Variants in KCNAB1 observed in about 807,000 individuals in gnomAD.
The protein encoded by KCNAB1 is potassium voltage-gated channel subfamily A regulatory beta subunit 1.
In KCNAB1, 35 loss-of-function variants were observed where a neutral mutation model predicts 64.6. The observed-to-expected ratio is 0.54, with a 90% confidence interval of 0.41 to 0.72. The LOEUF is 0.72. Among genes scored for constraint, KCNAB1 ranks in the 30% least tolerant of loss-of-function variants. The probability of loss-of-function intolerance (pLI) is 0.00; values close to 1 mark genes in which losing one functional copy is unlikely to be tolerated. For missense variants in KCNAB1, 401 were observed against 512.9 expected (o/e 0.78, Z 2.11); for synonymous variants, 177 against 183.8 (o/e 0.96, Z 0.30).
At chr3:156,331,314 C>G (rs1227920426) in intron 1 of KCNAB1, among the ~76,000 whole-genome samples, 2 of 152,136 alleles carry the variant, frequency 1.3e-5, no homozygotes, top group African/African-American at 4.8e-5. Flanking sequence ...AAGAGTGGAG[C>G]TGAAGAATGG....
intron 8 of KCNAB1, among the ~76,000 whole-genome samples, chr3:156,499,005 G>A (rs758042904): frequency 7.0e-4 from 106 of 152,378 alleles, no homozygotes; most frequent in Non-Finnish European, 1.2e-3. Flanking sequence ...AAAGGTCATG[G>A]CAACAGCTTT....
chr3:156,132,758 G>C (rs1453228475), intron 1 of KCNAB1, among the ~76,000 whole-genome samples: 1 of 152,202 alleles, frequency 6.6e-6, no homozygotes, highest in Non-Finnish European at 1.5e-5. Context: ...CATTACACAT[G>C]TTTTTCTATA....
chr3:156,220,719 A>G (rs1485959282), intron 1 of KCNAB1, among the ~76,000 whole-genome samples: 1 of 152,140 alleles, frequency 6.6e-6, no homozygotes, highest in Non-Finnish European at 1.5e-5. Context: ...TCTTTAGTTT[A>G]ATTAGATCCC....
intron 1 of KCNAB1, among the ~76,000 whole-genome samples, chr3:156,263,190 T>A (rs1481417763): frequency 6.6e-6 from 1 of 151,926 alleles, no homozygotes; most frequent in African/African-American, 2.4e-5. Flanking sequence ...TTCACTTTCT[T>A]TTTTAGTTTC....
intron 3 of KCNAB1, chr3:156,457,181 C>T: frequency 8.1e-7 from 1 of 1,229,558 alleles, no homozygotes; most frequent in South Asian, 2.2e-5. Flanking sequence ...CAGCTCTTCC[C>T]AGCCCAGTGA....
chr3:156,228,974 G>T (rs1393769661), intron 1 of KCNAB1, among the ~76,000 whole-genome samples: 2 of 152,202 alleles, frequency 1.3e-5, no homozygotes, highest in Non-Finnish European at 2.9e-5. Context: ...TTCTAGTGTG[G>T]AGTTTGGGGA....
chr3:156,535,814 T>C (rs1017474724), intron 13 of KCNAB1, among the ~76,000 whole-genome samples: 1 of 152,056 alleles, frequency 6.6e-6, no homozygotes, highest in African/African-American at 2.4e-5. Context: ...GTGTCCCCTT[T>C]CCACCTCCTC....
chr3:156,297,363 A>C (rs1720867945), intron 1 of KCNAB1, among the ~76,000 whole-genome samples: 1 of 142,672 alleles, frequency 7.0e-6, no homozygotes, highest in Non-Finnish European at 1.5e-5. Context: ...GGCTCCATGG[A>C]GGGTAAGATA....
intron 1 of KCNAB1, among the ~76,000 whole-genome samples, chr3:156,225,450 C>A (rs559078650): frequency 6.6e-6 from 1 of 152,224 alleles, no homozygotes; most frequent in South Asian, 2.1e-4. Flanking sequence ...TATGACAAAC[C>A]CACAGCCAAT....
intron 8 of KCNAB1, among the ~76,000 whole-genome samples, chr3:156,493,637 A>C (rs1304086275): frequency 6.6e-6 from 1 of 152,082 alleles, no homozygotes; most frequent in African/African-American, 2.4e-5. Context: ...GCTGCCCACT[A>C]ATATCCTTTT....
At chr3:156,277,899 T>C (rs1719437541) in intron 1 of KCNAB1, among the ~76,000 whole-genome samples, 1 of 152,188 alleles carries the variant, frequency 6.6e-6, no homozygotes, top group East Asian at 1.9e-4. Context: ...TTGCCAATAC[T>C]TGTTATCTCT....
At chr3:156,465,734 C>G (rs1465239346) in intron 7 of KCNAB1, 48 bp downstream of exon 7, 3 of 1,460,230 alleles carry the variant, frequency 2.1e-6, no homozygotes, top group East Asian at 4.5e-5. Context: ...GCCCCTCATT[C>G]AAGAAAGGTA....
At chr3:156,251,717 G>C (rs1462092840) in intron 1 of KCNAB1, among the ~76,000 whole-genome samples, 1 of 152,088 alleles carries the variant, frequency 6.6e-6, no homozygotes, top group Non-Finnish European at 1.5e-5. Context: ...AAATTTAATT[G>C]TGTGTTCTAA....
At chr3:156,376,485 A>G (rs146241506) in intron 1 of KCNAB1, among the ~76,000 whole-genome samples, 15 of 152,372 alleles carry the variant, frequency 9.8e-5, no homozygotes, top group South Asian at 8.3e-4. Context: ...GGCCAACACT[A>G]TAACACATAG....
intron 1 of KCNAB1, among the ~76,000 whole-genome samples, chr3:156,299,096 G>A (rs1234667312): frequency 6.6e-6 from 1 of 152,232 alleles, no homozygotes. Context: ...CCATGAAGTT[G>A]GGCAGAGGGC....
chr3:156,335,784 TAGAA>T (rs1246999036), intron 1 of KCNAB1, among the ~76,000 whole-genome samples: 1 of 150,482 alleles, frequency 6.6e-6, no homozygotes, highest in Non-Finnish European at 1.5e-5. Flanking sequence ...TGTGCTTAGA[TAGAA>T]AGAACACAAT....
chr3:156,206,368 GAC>G (rs557852951), intron 1 of KCNAB1, among the ~76,000 whole-genome samples: 31 of 152,324 alleles, frequency 2.0e-4, no homozygotes, highest in African/African-American at 7.2e-4. Flanking sequence ...CTGTGGTTGT[GAC>G]ACACAGACAT....
At chr3:156,197,152 T>C (rs554727921) in intron 1 of KCNAB1, among the ~76,000 whole-genome samples, 4 of 152,332 alleles carry the variant, frequency 2.6e-5, no homozygotes, top group African/African-American at 9.6e-5. Context: ...GGGATGAAGC[T>C]GACTTGATCG....
intron 1 of KCNAB1, among the ~76,000 whole-genome samples, chr3:156,419,473 C>G (rs969617709): frequency 1.3e-5 from 2 of 150,304 alleles, no homozygotes; most frequent in African/African-American, 4.9e-5. Flanking sequence ...TGCACTCCAG[C>G]CTGGGCAACA....
Sources: gnomAD v4.1 joint callset for allele counts (sites outside exome capture counted in the v4.1 genomes callset) on GRCh38, gnomAD v4.1.1 for gene constraint, MANE v1.5 for transcripts, NCBI Gene and HGNC (gene_info 2026-07-23, HGNC 2026-07-21) for gene names.